FBXO6: variants seen among roughly 807,000 people sequenced by gnomAD.
FBXO6 encodes F-box only protein 6.
In FBXO6, 13 loss-of-function variants were observed where a neutral mutation model predicts 25.0. That is an observed-to-expected ratio of 0.52 (90% confidence interval 0.34 to 0.83). FBXO6 has a LOEUF of 0.83. Ranked by LOEUF, FBXO6 falls within the 40% of genes least tolerant of loss-of-function variation. The pLI is 0.02. For missense variants in FBXO6, 370 were observed against 380.2 expected, an observed-to-expected ratio of 0.97 and a Z score of 0.22; for synonymous variants, 138 against 155.3, an observed-to-expected ratio of 0.89 and a Z score of 0.83.
In FBXO6 at chr1:11,673,525, T is replaced by G. The variant is rs1013349195; in HGVS notation, c.646-90T>G. ...CCCCTGCTGGCCTGGAGCTGTTGCC[T>G]TCCAGCCTGGGCAGCTCTCTTAGAG... On this transcript the variant is annotated intron_variant, in intron 5 of 5. Transcript: ENST00000376753. The surrounding 1 kb of genome is among the most constrained non-coding windows in gnomAD (Gnocchi z 4.3). 4 of 1,571,436 alleles carry G rather than the reference T, an allele frequency of 2.5e-6. No individual in the cohort carries two copies. The highest frequency in any genetic ancestry group is 2.7e-5 in the African/African-American group (2 of 74,094).
Position 11,672,018 on chromosome 1 carries a change from G to C in FBXO6, c.504G>C (p.Lys168Asn). The C allele has an allele frequency of 1.2e-6, 2 of 1,613,874 alleles. No homozygotes were observed. Among genetic ancestry groups the C allele is most frequent in the Non-Finnish European group, 1.7e-6 (2 of 1,179,714 alleles). Residue 168 changes from lysine (K) to asparagine (N), a missense_variant, in exon 4 of 6, where the codon AAG (lysine) becomes AAC (asparagine). Lys to Asn is a moderately conservative substitution (Grantham distance 94, BLOSUM62 0). Transcript: ENST00000376753. ...LDTFRPDIVV[K>N]DWFAARADCG... ...CATTCCGGCCGGACATCGTGGTTAA[G>C]GACTGGTGAGTAGGGTCCATGGCCT...
At chr1:11,668,250 A>T (rs1475388624) in intron 1 of FBXO6, among the ~76,000 whole-genome samples, 1 of 152,258 alleles carries the variant, frequency 6.6e-6, no homozygotes, top group Non-Finnish European at 1.5e-5. Flanking sequence ...AATTTTTTTT[A>T]AATTGGGGAG....
In FBXO6 at chr1:11,672,033, G is replaced by A; in HGVS notation, c.509+10G>A. The stretch of plus-strand genomic sequence containing the variant: ...TCGTGGTTAAGGACTGGTGAGTAGG[G>A]TCCATGGCCTGTGTCCCCACACTCT... On this transcript the variant is annotated intron_variant, in intron 4 of 5. Transcript: ENST00000376753. 1 of 1,610,650 alleles carries A rather than the reference G, an allele frequency of 6.2e-7. No homozygotes were observed. The highest frequency in any genetic ancestry group is 8.5e-7 in the Non-Finnish European group (1 of 1,176,844).
At position 11,668,835 on chromosome 1, in the gene FBXO6, G is replaced by T; in HGVS notation, c.177G>T (p.Leu59=). 1.2e-6 allele frequency: 2 copies of T among 1,614,180 alleles called. No homozygotes were observed. The highest frequency in any genetic ancestry group is 1.7e-6 in the Non-Finnish European group (2 of 1,180,040). The part of the protein sequence containing the change: ...DLMTLWKRKC[L]REGFITKDWD... ...TGACCCTCTGGAAACGCAAGTGCCT[G>T]CGAGAGGGCTTCATCACCAAGGACT... Residue 59 remains leucine (L), a synonymous_variant, in exon 2 of 6, where the codon CTG becomes CTT. Transcript: ENST00000376753.
intron 1 of FBXO6, among the ~76,000 whole-genome samples, chr1:11,666,359 A>C (rs1570268260): frequency 6.6e-6 from 1 of 150,692 alleles, no homozygotes; most frequent in East Asian, 2.0e-4. Flanking sequence ...CTGTGTTGCC[A>C]AGGTTGCAAA....
intron 2 of FBXO6, among the ~76,000 whole-genome samples, chr1:11,669,686 AC>A (rs1244206510): frequency 6.8e-6 from 1 of 147,938 alleles, no homozygotes; most frequent in Non-Finnish European, 1.5e-5. Context: ...ACACATATAT[AC>A]GTATATATAC....
intron 1 of FBXO6, among the ~76,000 whole-genome samples, chr1:11,665,554 CTTTTTT>C (rs70983579): frequency 2.6e-5 from 1 of 37,852 alleles, no homozygotes; most frequent in Non-Finnish European, 4.0e-5. Context: ...CGCGCCCGGC[CTTTTTT>C]TTTTTTTTTT....
Position 11,673,189 on chromosome 1 carries a change from C to G in FBXO6, c.510-88C>G. 1 of 1,463,094 alleles carries G rather than the reference C, an allele frequency of 6.8e-7. No individual in the cohort carries two copies. The allele number at this position is 1,463,094 out of a possible 1,614,324, so 90.6% of individuals were successfully genotyped here. On this transcript the variant is annotated intron_variant, in intron 4 of 5. Coordinates refer to ENST00000376753, the MANE Select transcript of FBXO6 (RefSeq NM_018438.6). The surrounding 1 kb of genome is among the most constrained non-coding windows in gnomAD (Gnocchi z 4.3). The stretch of plus-strand genomic sequence containing the variant: ...TGTCAGCTGATGGGAGATGAAGCTC[C>G]GAGCTCCAATGTATAGGTCCCACCT...
At chr1:11,670,229 G>C (rs1268501382) in intron 2 of FBXO6, among the ~76,000 whole-genome samples, 1 of 142,068 alleles carries the variant, frequency 7.0e-6, no homozygotes, top group Non-Finnish European at 1.5e-5. Flanking sequence ...AAAAAAAAAA[G>C]TGCCCTGGTG....
At chr1:11,668,625 G>T (rs376458493) in intron 1 of FBXO6, 31 bp from the exon 2 acceptor site, 1 of 1,598,178 alleles carries the variant, frequency 6.3e-7, no homozygotes, top group African/African-American at 1.3e-5. Flanking sequence ...CACCTCCCTG[G>T]TCAGGCTCAT....
At chr1:11,668,552 A>G (rs898974592) in intron 1 of FBXO6, 104 bp from the exon 2 acceptor site, 18 of 1,419,710 alleles carry the variant, frequency 1.3e-5, no homozygotes, top group Non-Finnish European at 1.7e-5. Flanking sequence ...ATGTGCCACC[A>G]CACCTGGCTA....
intron 2 of FBXO6, among the ~76,000 whole-genome samples, chr1:11,670,696 A>G (rs1031458999): frequency 3.3e-5 from 5 of 151,656 alleles, no homozygotes; most frequent in African/African-American, 9.7e-5. Flanking sequence ...GGTTCAAGCA[A>G]TCCACCTGCC....
At position 11,673,182 on chromosome 1, in the gene FBXO6, G is replaced by A; in HGVS notation, c.510-95G>A. 6.9e-7 allele frequency: 1 copy of A among 1,442,788 alleles called. No individual in the cohort carries two copies. The highest frequency in any genetic ancestry group is 9.2e-7 in the Non-Finnish European group (1 of 1,082,196). The allele number at this position is 1,442,788 out of a possible 1,614,324, so 89.4% of individuals were successfully genotyped here. ...AGAGCAGTGTCAGCTGATGGGAGAT[G>A]AAGCTCCGAGCTCCAATGTATAGGT... On this transcript the variant is annotated intron_variant, in intron 4 of 5. Coordinates refer to ENST00000376753, the MANE Select transcript of FBXO6 (RefSeq NM_018438.6). The surrounding 1 kb of genome is among the most constrained non-coding windows in gnomAD (Gnocchi z 4.3).
chr1:11,673,785 T>C lies in FBXO6; in HGVS notation c.816T>C (p.Pro272=), dbSNP rs1304635878. 1.2e-6 allele frequency: 2 copies of C among 1,614,116 alleles called. No individual in the cohort carries two copies. The highest frequency in any genetic ancestry group is 1.7e-6 in the Non-Finnish European group (2 of 1,180,046). ...ACCAGGCCTCCTCCGAGGCTCAGCC[T>C]GGGCAGAAGCATGGACAGGAGGAGG... The part of the protein sequence containing the change: ...TRNQASSEAQ[P]GQKHGQEEAA... Residue 272 remains proline (P), a synonymous_variant, in exon 6 of 6, where the codon CCT becomes CCC. Coordinates refer to ENST00000376753, the MANE Select transcript of FBXO6 (RefSeq NM_018438.6). This position sits in a 1 kb window ranked among gnomAD's most constrained non-coding sequence, Gnocchi z 4.3.
rs150942470 is a variant in FBXO6, at chr1:11,668,877, C to T, written c.219C>T (p.Ala73=). 532 of 1,614,104 alleles carry T rather than the reference C, an allele frequency of 3.3e-4. 4 individuals carry two copies. The Admixed American group carries it at 8.0e-3, about 24-fold the overall frequency. Residue 73 remains alanine (A), a synonymous_variant, in exon 2 of 6, where the codon GCC becomes GCT. Transcript: ENST00000376753. ...CCAAGGACTGGGACCAGCCCGTGGCCGACTGGAAAATCTTCTACTTCCTAC... is the reference window on the plus strand; with the variant it reads ...CCAAGGACTGGGACCAGCCCGTGGCTGACTGGAAAATCTTCTACTTCCTAC... The part of the protein sequence containing the change: ...FITKDWDQPV[A]DWKIFYFLRS...
chr1:11,669,737 TAC>T (rs113558790), intron 2 of FBXO6, among the ~76,000 whole-genome samples: 11,091 of 138,814 alleles, frequency 0.08, 1,138 homozygotes, highest in African/African-American at 0.24. Flanking sequence ...TACATATACA[TAC>T]ACACACACAC....
chr1:11,672,930 C>G (rs1376596993), intron 4 of FBXO6, among the ~76,000 whole-genome samples: 1 of 152,224 alleles, frequency 6.6e-6, no homozygotes, highest in Non-Finnish European at 1.5e-5. Context: ...CCCCTTGACT[C>G]TCCCACTGAA....
At chr1:11,671,465 CAA>C (rs1423566771) in intron 3 of FBXO6, 73 bp downstream of exon 3, 15 of 1,574,356 alleles carry the variant, frequency 9.5e-6, no homozygotes, top group Middle Eastern at 1.7e-4. Flanking sequence ...AAGTCTCAGG[CAA>C]AGTCTTCCTA....
At chr1:11,667,279 C>T (rs772965195) in intron 1 of FBXO6, among the ~76,000 whole-genome samples, 1 of 152,182 alleles carries the variant, frequency 6.6e-6, no homozygotes, top group Non-Finnish European at 1.5e-5. Context: ...TGGCTGCCGG[C>T]CAACCCCCAC....
Sources: gnomAD v4.1 joint callset for allele counts (sites outside exome capture counted in the v4.1 genomes callset) on GRCh38, gnomAD v4.1.1 for gene constraint, Gnocchi (gnomAD v3.1) non-coding constraint, MANE v1.5 for transcripts, NCBI Gene and HGNC (gene_info 2026-07-23, HGNC 2026-07-21) for gene names.